Variants in COL28A1 observed in about 807,000 individuals in gnomAD.
COL28A1 encodes the protein collagen alpha-1(XXVIII) chain.
In COL28A1, 161 loss-of-function variants were observed where a neutral mutation model predicts 150.2. The ratio of observed to expected loss-of-function variants is 1.07; its 90% CI spans 0.94 to 1.22. The LOEUF (loss-of-function observed/expected upper bound fraction) is 1.22, where lower values mean the gene tolerates loss of function less well. Ranked by LOEUF, COL28A1 falls within the 50% of genes most tolerant of loss-of-function variation. COL28A1 has a pLI of 0.00. For missense variants in COL28A1, 1,617 were observed against 1,388.3 expected, an observed-to-expected ratio of 1.16 and a Z score of -2.62; for synonymous variants, 552 against 469.7, an observed-to-expected ratio of 1.18 and a Z score of -2.26.
chr7:7,465,510 C>T lies in COL28A1; in HGVS notation c.1302+9091G>A, dbSNP rs1466643530. ...AGCAGTCTGAGATCAAACTGCAAGG[C>T]GGCAACGAGGCTGGGGGAGGGGCGC... On this transcript the variant is annotated intron_variant, in intron 15 of 34. Transcript: ENST00000399429. Among the ~76,000 whole-genome samples the T allele has an allele frequency of 8.0e-5, 11 of 138,270 alleles. No homozygotes were observed. The Middle Eastern group carries it at 0.016, about 198-fold the overall frequency. 90.7% of individuals were successfully genotyped at this position (138,270 alleles called of 152,430 possible).
At chr7:7,512,865 T>G (rs559245454) in intron 8 of COL28A1, among the ~76,000 whole-genome samples, 3 of 152,352 alleles carry the variant, frequency 2.0e-5, no homozygotes, top group African/African-American at 7.2e-5. Context: ...TTCTTTATTC[T>G]GCCTCTGTAC....
At chr7:7,443,923 T>C (rs1260366886) in intron 19 of COL28A1, among the ~76,000 whole-genome samples, 2 of 151,732 alleles carry the variant, frequency 1.3e-5, no homozygotes, top group Non-Finnish European at 2.9e-5. Flanking sequence ...TTCTTTTGGC[T>C]CTTCATTCGC....
At chr7:7,418,838 G>C (rs1271167054) in intron 26 of COL28A1, among the ~76,000 whole-genome samples, 1 of 152,050 alleles carries the variant, frequency 6.6e-6, no homozygotes, top group South Asian at 2.1e-4. Flanking sequence ...TAACATCTTG[G>C]GGGGATCTTC....
rs150570875 is a variant in COL28A1 at position 7,471,345 on chromosome 7, G to C, written c.1302+3256C>G. Among the ~76,000 whole-genome samples the C allele has an allele frequency of 1.7e-3, 262 of 152,122 alleles. 2 individuals carry two copies. The highest frequency in any genetic ancestry group is 5.9e-3 in the African/African-American group (243 of 41,514). On this transcript the variant is annotated intron_variant, in intron 15 of 34. Coordinates refer to ENST00000399429, the MANE Select transcript of COL28A1 (RefSeq NM_001037763.3). The stretch of plus-strand genomic sequence containing the variant: ...CACTATTCCACAAGATAGAGAAAAA[G>C]GGAACCCTCCCTGAATCATTCTATG...
chr7:7,523,005 T>C (rs1781820357), intron 4 of COL28A1, among the ~76,000 whole-genome samples: 1 of 152,070 alleles, frequency 6.6e-6, no homozygotes, highest in Non-Finnish European at 1.5e-5. Context: ...TTTGCTTACA[T>C]ATTCCCTTAT....
At chr7:7,395,166 T>A (rs1177033856) in intron 27 of COL28A1, among the ~76,000 whole-genome samples, 3 of 151,966 alleles carry the variant, frequency 2.0e-5, no homozygotes, top group Non-Finnish European at 4.4e-5. Context: ...GGTGGCATGC[T>A]CCTGTAGTCC....
intron 22 of COL28A1, 77 bp downstream of exon 22, chr7:7,437,317 T>C (rs1455853219): frequency 6.6e-7 from 1 of 1,516,750 alleles, no homozygotes; most frequent in Non-Finnish European, 8.8e-7. Flanking sequence ...AAAATTCTAG[T>C]TCACTGGTAT....
intron 33 of COL28A1, among the ~76,000 whole-genome samples, chr7:7,362,849 T>G (rs1344773790): frequency 6.6e-6 from 1 of 152,168 alleles, no homozygotes; most frequent in East Asian, 1.9e-4. Flanking sequence ...AAAACTTTCT[T>G]GGTCCCTTAT....
chr7:7,453,209 G>A (rs1786853424), intron 17 of COL28A1, among the ~76,000 whole-genome samples: 1 of 152,092 alleles, frequency 6.6e-6, no homozygotes. Flanking sequence ...ATAAATAAAA[G>A]TAACAAAGAA....
chr7:7,425,090 A>G (rs1414859082), intron 25 of COL28A1, among the ~76,000 whole-genome samples: 2 of 151,670 alleles, frequency 1.3e-5, no homozygotes, highest in Non-Finnish European at 2.9e-5. Flanking sequence ...ATAAATAAAA[A>G]TAATACTTAT....
chr7:7,339,107 T>G, the COL28A1 span, among the ~76,000 whole-genome samples: 1 of 152,148 alleles, frequency 6.6e-6, no homozygotes, highest in East Asian at 1.9e-4. Context: ...ACCAACTCAT[T>G]CGTAGATATT....
chr7:7,526,063 A>G (rs1782007349), intron 3 of COL28A1, among the ~76,000 whole-genome samples: 2 of 152,226 alleles, frequency 1.3e-5, no homozygotes, highest in Admixed American at 6.5e-5. Flanking sequence ...GAACTCAGAT[A>G]CACTGATAGT....
chr7:7,517,636 TTC>T (rs1454482664), intron 7 of COL28A1, among the ~76,000 whole-genome samples, 158 bp downstream of exon 7: 2 of 152,182 alleles, frequency 1.3e-5, no homozygotes, highest in African/African-American at 2.4e-5. Context: ...ACATTTCCAC[TTC>T]TAAGATCATA....
intron 27 of COL28A1, among the ~76,000 whole-genome samples, chr7:7,406,585 G>A (rs1387884126): frequency 6.6e-6 from 1 of 152,168 alleles, no homozygotes; most frequent in African/African-American, 2.4e-5. Flanking sequence ...AAATGATGGA[G>A]AATGGGGTAG....
chr7:7,459,636 A>G (rs1261633318), intron 15 of COL28A1, among the ~76,000 whole-genome samples: 2 of 152,160 alleles, frequency 1.3e-5, no homozygotes, highest in African/African-American at 4.8e-5. Context: ...TGGCTGTATC[A>G]GCCTCTAGTA....
the COL28A1 span, among the ~76,000 whole-genome samples, chr7:7,342,285 GTATTTTGTCCA>G: frequency 6.6e-6 from 1 of 151,902 alleles, no homozygotes; most frequent in Non-Finnish European, 1.5e-5. Flanking sequence ...TTAGCATGTT[GTATTTTGTCCA>G]TATTTTTATT....
chr7:7,531,674 G>C lies in COL28A1; in HGVS notation c.355C>G (p.Gln119Glu). 1 of 1,592,870 alleles carries C rather than the reference G, an allele frequency of 6.3e-7. No homozygotes were observed. Among genetic ancestry groups the C allele is most frequent in the South Asian group, 1.1e-5 (1 of 90,652 alleles). The change falls in exon 3 of 35, where the codon CAG becomes GAG. Residue 119 changes from glutamine to glutamate, a missense_variant. Coordinates refer to ENST00000399429, the MANE Select transcript of COL28A1 (RefSeq NM_001037763.3). ...ATTAAATTCATAGACTTGACCTTCT[G>C]CTTAAATGTCTGCAGGTCCTTCCAG... ...SSWKDLQTFK[Q>E]KVKSMNLIGQ... is the part of the protein sequence containing the mutation.
chr7:7,348,920 TA>T, the COL28A1 span, among the ~76,000 whole-genome samples: 1 of 152,020 alleles, frequency 6.6e-6, no homozygotes, highest in African/African-American at 2.4e-5. Context: ...TTTTTTAAAT[TA>T]TTTTTTTAGA....
intron 30 of COL28A1, among the ~76,000 whole-genome samples, chr7:7,376,124 T>C (rs1457908062): frequency 1.3e-5 from 2 of 152,142 alleles, no homozygotes; most frequent in Non-Finnish European, 2.9e-5. Context: ...TGAAATGAGC[T>C]GGGTACTAGA....
Sources: allele counts gnomAD v4.1 joint callset (sites outside exome capture counted in the v4.1 genomes callset), GRCh38; gene constraint gnomAD v4.1.1; transcripts MANE v1.5; gene names NCBI Gene and HGNC (gene_info 2026-07-23, HGNC 2026-07-21).